The following TCF20 variants were observed in gnomAD, a reference collection of about 807,000 sequenced individuals.
The protein encoded by TCF20 is SPRE-binding protein.
TCF20 carries 3 observed loss-of-function variants against 148.6 expected under a neutral mutation model. The ratio of observed to expected loss-of-function variants is 0.02; its 90% confidence interval spans 0.01 to 0.05. The LOEUF is 0.05. Ranked by LOEUF, TCF20 falls within the 10% of genes least tolerant of loss-of-function variation. TCF20 has a pLI of 1.00. For missense variants in TCF20, 2,350 were observed against 2,429.3 expected, an observed-to-expected ratio of 0.97 and a Z score of 0.69; for synonymous variants, 1,049 against 909.5, an observed-to-expected ratio of 1.15 and a Z score of -2.76.
At chr22:42,280,029 G>A (rs1244337765) in intron 1 of TCF20, among the ~76,000 whole-genome samples, 1 of 152,190 alleles carries the variant, frequency 6.6e-6, no homozygotes, top group Non-Finnish European at 1.5e-5. Context: ...TTACTAGCAG[G>A]GACAGGAGGA....
chr22:42,257,001 G>T (rs1035547555), intron 1 of TCF20, among the ~76,000 whole-genome samples: 10 of 152,124 alleles, frequency 6.6e-5, no homozygotes, highest in African/African-American at 2.4e-4. Context: ...CTCTACAAAA[G>T]AAAATAAAAT....
Position 42,270,569 on chromosome 22 carries a change from C to A in TCF20, c.-267G>T, listed in dbSNP as rs1035659089. 1.4e-5 allele frequency among the ~76,000 whole-genome samples: 2 copies of A among 144,620 alleles called. No homozygotes were observed. The highest frequency in any genetic ancestry group is 5.0e-5 in the African/African-American group (2 of 40,352). 94.9% of individuals were successfully genotyped at this position (144,620 alleles called of 152,430 possible). On this transcript the variant is annotated 5_prime_UTR_variant, in exon 1 of 6. Transcript: ENST00000677622. ...CGCGCCTCAGGGCGGGCTCCCCTGG[C>A]GGAGGCCGCGGCCGCCTCGCAGGGG...
At chr22:42,283,221 G>A (rs917386696) in intron 1 of TCF20, among the ~76,000 whole-genome samples, 1 of 152,202 alleles carries the variant, frequency 6.6e-6, no homozygotes, top group African/African-American at 2.4e-5. Context: ...ACCACCCACT[G>A]CCCCTCCTTT....
intron 1 of TCF20, among the ~76,000 whole-genome samples, chr22:42,222,116 C>A (rs1922433688): frequency 6.6e-6 from 1 of 152,148 alleles, no homozygotes; most frequent in Non-Finnish European, 1.5e-5. Context: ...TACTTAAGGA[C>A]TCTGGACAGT....
At chr22:42,162,256 C>T (rs1197040730) in intron 5 of TCF20, among the ~76,000 whole-genome samples, 1 of 152,088 alleles carries the variant, frequency 6.6e-6, no homozygotes, top group Non-Finnish European at 1.5e-5. Flanking sequence ...GGATTACAGG[C>T]GTGAGCCACT....
At chr22:42,329,469 G>T (rs918274238) in intron 1 of TCF20, among the ~76,000 whole-genome samples, 42 of 152,262 alleles carry the variant, frequency 2.8e-4, no homozygotes, top group Non-Finnish European at 5.9e-5. Context: ...GGGCGAGCAG[G>T]CTCAAGGAGG....
At chr22:42,260,453 G>C (rs1476619401) in intron 1 of TCF20, among the ~76,000 whole-genome samples, 2 of 152,122 alleles carry the variant, frequency 1.3e-5, no homozygotes, top group Non-Finnish European at 2.9e-5. Context: ...GCAAAAATAG[G>C]GGGTAGGAAA....
chr22:42,211,550 G>A lies in TCF20; in HGVS notation c.3756C>T (p.Ile1252=), dbSNP rs1264128556. ...QEDHSSQNPL[I]MRRRVRSFIS... ...TAAAAGAACGAACACGCCTCCTCAT[G>A]ATTAAGGGGTTTTGAGAAGAATGAT... Residue 1252 remains isoleucine, a synonymous_variant, in exon 2 of 6, where the codon ATC becomes ATT. Transcript: ENST00000677622. The A allele has an allele frequency of 2.5e-6, 4 of 1,614,216 alleles. No homozygotes were observed. In the African/African-American group the frequency reaches 5.3e-5, roughly 22 times the overall value.
At chr22:42,319,565 C>A (rs552686673) in intron 1 of TCF20, among the ~76,000 whole-genome samples, 1 of 152,310 alleles carries the variant, frequency 6.6e-6, no homozygotes, top group Admixed American at 6.5e-5. Context: ...ATTATTTGAG[C>A]CCACAGAATC....
intron 1 of TCF20, among the ~76,000 whole-genome samples, chr22:42,332,373 A>G (rs577414803): frequency 1.3e-5 from 2 of 152,214 alleles, no homozygotes. Flanking sequence ...CAGGAGCTGG[A>G]GCAGGAACAG....
Position 42,186,709 on chromosome 22 carries a change from C to T in TCF20, c.5656-7007G>A, listed in dbSNP as rs762115254. ...TTCTTGGCCAAGTCTCTGGACACTTCACTTCTTAGCTACTATTTACTATTA... is the reference window on the plus strand; with the variant it reads ...TTCTTGGCCAAGTCTCTGGACACTTTACTTCTTAGCTACTATTTACTATTA... On this transcript the variant is annotated intron_variant, in intron 2 of 5. Transcript: ENST00000677622. 1.1e-4 allele frequency among the ~76,000 whole-genome samples: 16 copies of T among 152,296 alleles called. No homozygotes were observed. The Middle Eastern group carries it at 0.02, about 194-fold the overall frequency.
chr22:42,278,121 C>T (rs1926819614), intron 1 of TCF20: 1 of 152,258 alleles, frequency 6.6e-6, no homozygotes, highest in African/African-American at 2.4e-5. Flanking sequence ...GCTGGCATCC[C>T]ACTGCTGTGC....
rs901225217 is a variant in TCF20, at chr22:42,299,646, C to T, written c.-37+43833G>A. ...TCCAACCTCTGTACCTCTCCCCGAA[C>T]GCAGGCCCCCCTGCCCGCACCCCAA... On this transcript the variant is annotated intron_variant, in intron 1 of 1. Coordinates refer to the TCF20 transcript ENST00000515426. This position sits in a 1 kb window ranked among gnomAD's most constrained non-coding sequence, Gnocchi z 4.1. 3.9e-5 allele frequency among the ~76,000 whole-genome samples: 6 copies of T among 152,174 alleles called. No individual in the cohort carries two copies. Among genetic ancestry groups the T allele is most frequent in the East Asian group, 3.9e-4 (2 of 5,184 alleles).
At chr22:42,165,318 C>A (rs1389748591) in intron 5 of TCF20, among the ~76,000 whole-genome samples, 1 of 152,246 alleles carries the variant, frequency 6.6e-6, no homozygotes, top group African/African-American at 2.4e-5. Context: ...CTGTTCTGTG[C>A]AGGGTACATA....
In TCF20 at chr22:42,210,838, T is replaced by C. The variant is rs761145899; in HGVS notation, c.4468A>G (p.Ile1490Val). 6.2e-7 allele frequency: 1 copy of C among 1,614,190 alleles called. No individual in the cohort carries two copies. Among genetic ancestry groups the C allele is most frequent in the Admixed American group, 1.7e-5 (1 of 60,026 alleles). The change falls in exon 2 of 6, where the codon ATC becomes GTC. Residue 1490 changes from isoleucine to valine, a missense_variant. Around this residue, in one of 7 missense-constraint regions of TCF20, gnomAD observed 231 missense variants for 213.7 expected, o/e 1.08. Coordinates refer to ENST00000677622, the MANE Select transcript of TCF20 (RefSeq NM_001378418.1). The surrounding 1 kb of genome is among the most constrained non-coding windows in gnomAD (Gnocchi z 4.7). ...GGTACATTCTTTGAGTCTGGAAAGA[T>C]TAAAGGTGCTGTTCCACCCAGGGAA... ...DGSLGGTAPL[I>V]FPDSKNVPPV...
In TCF20 at chr22:42,211,404, T is replaced by C. The variant is rs777556497; in HGVS notation, c.3902A>G (p.His1301Arg). 6.2e-7 allele frequency: 1 copy of C among 1,614,210 alleles called. No individual in the cohort carries two copies. Among genetic ancestry groups the C allele is most frequent in the Non-Finnish European group, 8.5e-7 (1 of 1,180,038 alleles). ...CTTGATATCCTGACTGTGAGAAAGATGGGCATAGGAATTGAATGCTTTATC... is the reference window on the plus strand; with the variant it reads ...CTTGATATCCTGACTGTGAGAAAGACGGGCATAGGAATTGAATGCTTTATC... ...GADKAFNSYAHLSHSQDIKSI... is the reference protein window; with the variant it reads ...GADKAFNSYARLSHSQDIKSI... The change falls in exon 2 of 6, where the codon CAT becomes CGT. Residue 1301 changes from histidine to arginine, a missense_variant. His to Arg is a conservative substitution (Grantham distance 29). Transcript: ENST00000677622.
In TCF20 at chr22:42,171,593, C is replaced by G. The variant is rs375259346; in HGVS notation, c.5750-1697G>C. Among the ~76,000 whole-genome samples the G allele has an allele frequency of 6.6e-5, 10 of 152,286 alleles. No individual in the cohort carries two copies. The East Asian group carries it at 1.5e-3, about 24-fold the overall frequency. On this transcript the variant is annotated intron_variant, in intron 3 of 5. Transcript: ENST00000677622. ...TACTACTAACCTCCAAGCCCCTCCC[C>G]CAGCAAGCAACTAGCAAGGCAATAA...
chr22:42,203,049 TA>T (rs1276244867), intron 2 of TCF20, among the ~76,000 whole-genome samples: 17 of 152,256 alleles, frequency 1.1e-4, no homozygotes, highest in African/African-American at 3.9e-4. Flanking sequence ...ATAACTAGTT[TA>T]ACATCCCAGG....
At chr22:42,323,968 AT>A (rs1569209767) in intron 1 of TCF20, among the ~76,000 whole-genome samples, 66 of 4,730 alleles carry the variant, frequency 0.014, 1 homozygote, top group Non-Finnish European at 0.012. Context: ...GGTGGTGGTG[AT>A]GGTGGTGGTG....
Sources: gnomAD v4.1 joint callset for allele counts (sites outside exome capture counted in the v4.1 genomes callset) on GRCh38, gnomAD v4.1.1 for gene constraint, gnomAD v4.1.1 regional missense constraint, Gnocchi (gnomAD v3.1) non-coding constraint, MANE v1.5 for transcripts, NCBI Gene and HGNC (gene_info 2026-07-23, HGNC 2026-07-21) for gene names.